Variants in STIM2 observed in about 807,000 individuals in gnomAD.
STIM2 encodes stromal interaction molecule 2.
In STIM2, 31 loss-of-function variants were observed where a neutral mutation model predicts 85.8. That is an observed-to-expected ratio of 0.36 (90% CI 0.27 to 0.49). STIM2 has a LOEUF of 0.49. Among genes scored for constraint, STIM2 ranks in the 20% least tolerant of loss-of-function variants. The pLI, the probability that STIM2 is intolerant of heterozygous loss-of-function variation, is 0.98. For synonymous variants in STIM2, 356 were observed against 331.1 expected (o/e 1.08, Z -0.82); for missense variants, 841 against 927.6 (o/e 0.91, Z 1.21).
intron 3 of STIM2, among the ~76,000 whole-genome samples, chr4:26,986,806 TAAAAA>T (rs1727600981): frequency 6.6e-6 from 1 of 152,192 alleles, no homozygotes; most frequent in East Asian, 1.9e-4. Context: ...AATTGATAAT[TAAAAA>T]CAAAACAAAA....
intron 1 of STIM2, among the ~76,000 whole-genome samples, chr4:26,890,474 C>A (rs1419427994): frequency 1.3e-5 from 2 of 152,042 alleles, no homozygotes; most frequent in African/African-American, 2.4e-5. Context: ...ATGGCAACTC[C>A]TTGGCACATT....
intron 1 of STIM2, among the ~76,000 whole-genome samples, chr4:26,887,011 C>T (rs1723276394): frequency 6.6e-6 from 1 of 151,990 alleles, no homozygotes; most frequent in South Asian, 2.1e-4. Context: ...CCCTTCTGTT[C>T]TGTTGTCCTG....
At position 27,022,506 on chromosome 4, in the gene STIM2, G is replaced by A; in HGVS notation, c.1764-13G>A. On this transcript the variant is annotated splice_polypyrimidine_tract_variant and intron_variant, in intron 11 of 11. Coordinates refer to ENST00000467087, the MANE Select transcript of STIM2 (RefSeq NM_020860.4). Reference sequence around the variant, plus strand: ...TGATTTAAAATTTGTACCTTTGTTTGTGTTTCATTCAGGGAAGTGCCAGAC... The same window carrying A: ...TGATTTAAAATTTGTACCTTTGTTTATGTTTCATTCAGGGAAGTGCCAGAC... 2 of 1,562,752 alleles carry A rather than the reference G, an allele frequency of 1.3e-6. No homozygotes were observed. Among genetic ancestry groups the A allele is most frequent in the South Asian group, 1.2e-5 (1 of 84,792 alleles).
intron 1 of STIM2, among the ~76,000 whole-genome samples, chr4:26,867,883 C>G (rs1025200379): frequency 2.6e-5 from 4 of 152,174 alleles, no homozygotes; most frequent in African/African-American, 4.8e-5. Flanking sequence ...CCTCCTCTTC[C>G]TCTAGTCTAG....
intron 1 of STIM2, among the ~76,000 whole-genome samples, chr4:26,900,330 T>C (rs1287090654): frequency 2.0e-5 from 3 of 152,170 alleles, no homozygotes; most frequent in Admixed American, 1.3e-4. Context: ...TAGTTGAGTG[T>C]ATTATCCCCA....
intron 3 of STIM2, among the ~76,000 whole-genome samples, chr4:26,962,266 C>T (rs1726502368): frequency 6.6e-6 from 1 of 152,162 alleles, no homozygotes; most frequent in Non-Finnish European, 1.5e-5. Context: ...TAATTTATGG[C>T]AACACCTGTT....
intron 1 of STIM2, among the ~76,000 whole-genome samples, chr4:26,914,086 G>A (rs763561178): frequency 6.6e-6 from 1 of 152,194 alleles, no homozygotes; most frequent in Non-Finnish European, 1.5e-5. Context: ...GGAGGAAACT[G>A]CAAGTTAGGG....
rs1300962620 is a variant in STIM2, at chr4:27,022,718, G to T, written c.1963G>T (p.Gly655Cys). The T allele has an allele frequency of 6.2e-7, 1 of 1,614,222 alleles. No homozygotes were observed. Among genetic ancestry groups the T allele is most frequent in the Non-Finnish European group, 8.5e-7 (1 of 1,180,046 alleles). Residue 655 changes from glycine to cysteine, a missense_variant, in exon 12 of 12, where the codon GGT becomes TGT. Gly to Cys is a radical substitution (Grantham distance 159). Transcript: ENST00000467087. Reference sequence around the variant, plus strand: ...GTCTTGGGGTTCTCCCGACTGTGTAGGTCTGACAGAAACTAAGAGTATGAT... The same window carrying T: ...GTCTTGGGGTTCTCCCGACTGTGTATGTCTGACAGAAACTAAGAGTATGAT...
chr4:27,021,447 A>G (rs1728909159), intron 11 of STIM2: 1 of 456,344 alleles, frequency 2.2e-6, no homozygotes, highest in African/African-American at 2.0e-5. Flanking sequence ...AGCAGAGGGA[A>G]CAGCAAATGC....
intron 2 of STIM2, among the ~76,000 whole-genome samples, chr4:26,949,907 T>G (rs1725980644): frequency 1.3e-5 from 2 of 152,210 alleles, no homozygotes; most frequent in African/African-American, 4.8e-5. Context: ...CGTTTTTGCT[T>G]TATAAAAATA....
intron 3 of STIM2, among the ~76,000 whole-genome samples, chr4:26,973,603 G>T (rs1727065078): frequency 6.6e-6 from 1 of 152,004 alleles, no homozygotes; most frequent in South Asian, 2.1e-4. Context: ...GGTCTGAGAG[G>T]CAGTTTTTTG....
intron 3 of STIM2, among the ~76,000 whole-genome samples, chr4:26,991,118 G>T (rs576586795): frequency 2.0e-5 from 3 of 152,170 alleles, no homozygotes; most frequent in African/African-American, 7.2e-5. Context: ...TGTTCCAAAT[G>T]ATACCTGCAC....
chr4:26,959,927 G>A (rs920129983), intron 3 of STIM2, among the ~76,000 whole-genome samples: 1 of 152,110 alleles, frequency 6.6e-6, no homozygotes, highest in Non-Finnish European at 1.5e-5. Flanking sequence ...AGTAGTCTCA[G>A]TATTCCTAGT....
intron 3 of STIM2, among the ~76,000 whole-genome samples, chr4:26,994,827 C>T (rs893726027): frequency 2.6e-5 from 4 of 152,070 alleles, no homozygotes; most frequent in Non-Finnish European, 5.9e-5. Flanking sequence ...ATGTCAGCTC[C>T]TTAGAGAGGC....
At chr4:26,870,207 T>C (rs190853120) in intron 1 of STIM2, among the ~76,000 whole-genome samples, 83 of 151,964 alleles carry the variant, frequency 5.5e-4, no homozygotes, top group African/African-American at 1.9e-3. Flanking sequence ...TTCGGAGATC[T>C]AATGTACAAC....
Position 27,007,951 on chromosome 4 carries a change from T to G in STIM2, c.1149+251T>G, listed in dbSNP as rs556440777. On this transcript the variant is annotated intron_variant, in intron 8 of 11. Coordinates refer to ENST00000467087, the MANE Select transcript of STIM2 (RefSeq NM_020860.4). ...ACATTATTCTTTTTTATCATTATCA[T>G]AAAAGTTTTATACAGAGCTTTTTTC... The G allele has an allele frequency of 4.6e-5, 33 of 723,486 alleles. No homozygotes were observed. In the African/African-American group the frequency reaches 5.8e-4, roughly 13 times the overall value. The allele number at this position is 723,486 out of a possible 1,614,324, so 44.8% of individuals were successfully genotyped here.
chr4:26,883,023 A>G (rs968433576), intron 1 of STIM2, among the ~76,000 whole-genome samples: 3 of 107,348 alleles, frequency 2.8e-5, no homozygotes, highest in Non-Finnish European at 5.9e-5. Flanking sequence ...TTTTTTTTGT[A>G]TTTTTAGTAG....
At chr4:26,977,693 C>T (rs1412036784) in intron 3 of STIM2, among the ~76,000 whole-genome samples, 1 of 151,970 alleles carries the variant, frequency 6.6e-6, no homozygotes, top group Admixed American at 6.6e-5. Flanking sequence ...TTTTATGTGG[C>T]ATTGAAATTT....
intron 4 of STIM2, 102 bp from the exon 5 acceptor site, chr4:26,999,130 A>G: frequency 2.5e-6 from 1 of 397,110 alleles, no homozygotes; most frequent in Non-Finnish European, 4.2e-6. Context: ...CATCAATAAT[A>G]TGTAAAGTGT....
Sources: allele counts gnomAD v4.1 joint callset (sites outside exome capture counted in the v4.1 genomes callset), GRCh38; gene constraint gnomAD v4.1.1; transcripts MANE v1.5; gene names NCBI Gene and HGNC (gene_info 2026-07-23, HGNC 2026-07-21).